CCNJL: variants seen among roughly 807,000 people sequenced by gnomAD.
CCNJL encodes the protein cyclin J like.
Under a neutral mutation model 33.4 loss-of-function variants are expected in CCNJL, and 33 were observed. The observed-to-expected ratio is 0.99, with a 90% CI of 0.75 to 1.32. The LOEUF is 1.32. Ranked by LOEUF, CCNJL falls within the 40% of genes most tolerant of loss-of-function variation. The pLI, the probability that CCNJL is intolerant of heterozygous loss-of-function variation, is 0.00. For missense variants in CCNJL, 512 were observed against 499.7 expected (o/e 1.02, Z -0.23); for synonymous variants, 227 against 220.9 (o/e 1.03, Z -0.24).
Position 160,321,004 on chromosome 5 carries a change from CTCTCTCTCTCTTTCTTTCTTTCTTTCTT to C in CCNJL, n.207-5527_207-5500del, listed in dbSNP as rs1236480745. Among the ~76,000 whole-genome samples, 51 of 112,120 alleles carry C rather than the reference CTCTCTCTCTCTTTCTTTCTTTCTTTCTT, an allele frequency of 4.5e-4. 1 individual carries two copies. The highest frequency in any genetic ancestry group is 1.7e-3 in the African/African-American group (47 of 27,476). The allele number at this position is 112,120 out of a possible 152,430, so 73.6% of individuals were successfully genotyped here. ...TCTCTCTCTTTCTTTCTTTCTCTCT[CTCTCTCTCTCTTTCTTTCTTTCTTTCTT>C]TCTTTCTTTCTTTCTTTCTTTCTTT... On this transcript the variant is annotated intron_variant and non_coding_transcript_variant, in intron 1 of 7. Coordinates refer to the CCNJL transcript ENST00000377503.
chr5:160,335,629 G>A (rs1039472329), intron 1 of CCNJL, among the ~76,000 whole-genome samples: 6 of 151,948 alleles, frequency 3.9e-5, no homozygotes, highest in Non-Finnish European at 7.4e-5. Flanking sequence ...GGAGTGCAGT[G>A]GCGTGATCAT....
At chr5:160,320,785 TTTCCTTTC>T (rs1473708866) in intron 1 of CCNJL, among the ~76,000 whole-genome samples, 15 of 144,890 alleles carry the variant, frequency 1.0e-4, no homozygotes, top group Non-Finnish European at 5.9e-5. Context: ...CTTTTCTTTC[TTTCCTTTC>T]TTTCTTTCTT....
At position 160,280,611 on chromosome 5, in the gene CCNJL, T is replaced by A. The variant is rs1388309470; in HGVS notation, c.194A>T (p.Tyr65Phe). The stretch of plus-strand genomic sequence containing the variant: ...GCGATCCATGAAGTGGTCCAGCAGG[T>A]AGACGGCCAGGTGCCGGGCTGCAGG... ...LCPAARHLAV[Y>F]LLDHFMDRYN... Residue 65 changes from tyrosine (Y) to phenylalanine (F), a missense_variant, in exon 3 of 6, where the codon TAC becomes TTC. By Grantham distance (22) the Tyr-to-Phe change is conservative. Transcript: ENST00000257536. The A allele has an allele frequency of 5.6e-6, 9 of 1,613,516 alleles. No homozygotes were observed. In the South Asian group the frequency reaches 8.8e-5, roughly 16 times the overall value.
At chr5:160,325,016 C>G (rs1232637491) in intron 1 of CCNJL, among the ~76,000 whole-genome samples, 5 of 152,234 alleles carry the variant, frequency 3.3e-5, no homozygotes, top group Admixed American at 1.3e-4. Context: ...AGGCCTGCCT[C>G]TGCCCTAGCT....
rs1308957359 is a variant in CCNJL at position 160,249,788 on chromosome 5, A to ATAAAT, written c.*3585_*3589dup. 1 of 150,526 alleles carries ATAAAT rather than the reference A, an allele frequency of 6.6e-6. No individual in the cohort carries two copies. Among genetic ancestry groups the ATAAAT allele is most frequent in the African/African-American group, 2.4e-5 (1 of 41,118 alleles). 9.3% of individuals were successfully genotyped at this position (150,526 alleles called of 1,614,324 possible). A position where few individuals can be genotyped will look rare whatever the true frequency, so the allele number is the denominator to read the frequency against. Reference sequence around the variant, plus strand: ...AAAAAATAAATAAATAAATAAATAAATAAATAAATAAATAAATAAAATAAA... The same window carrying ATAAAT: ...AAAAAATAAATAAATAAATAAATAAATAAATTAAATAAATAAATAAATAAAATAAA... On this transcript the variant is annotated 3_prime_UTR_variant, in exon 6 of 6. Coordinates refer to ENST00000257536, the MANE Select transcript of CCNJL (RefSeq NM_001308173.3).
At position 160,311,985 on chromosome 5, in the gene CCNJL, G is replaced by A. The variant is rs1763278937; in HGVS notation, c.-49-13C>T. 2.6e-6 allele frequency: 4 copies of A among 1,514,482 alleles called. No homozygotes were observed. Among genetic ancestry groups the A allele is most frequent in the South Asian group, 2.2e-5 (2 of 88,906 alleles). 93.8% of individuals were successfully genotyped at this position (1,514,482 alleles called of 1,614,324 possible). A position where few individuals can be genotyped will look rare whatever the true frequency, so the allele number is the denominator to read the frequency against. On this transcript the variant is annotated splice_polypyrimidine_tract_variant and intron_variant, in intron 1 of 5. Coordinates refer to ENST00000257536, the MANE Select transcript of CCNJL (RefSeq NM_001308173.3). Reference sequence around the variant, plus strand: ...CTCAGGGCGCACCCTGCGTGGACACGGGCAACTTCAGCGGCCAGAGCGTAC... The same window carrying A: ...CTCAGGGCGCACCCTGCGTGGACACAGGCAACTTCAGCGGCCAGAGCGTAC...
In CCNJL at chr5:160,321,058, CTTTCTTTCTTTCTTTCTTTCTTTCTTTCT is replaced by C. The variant is rs1561812849; in HGVS notation, n.207-5582_207-5554del. ...TCTTTCTTTCTTTCTTTCTTTCTTT[CTTTCTTTCTTTCTTTCTTTCTTTCTTTCT>C]TTCCTTCTCTCTTTCTCTCTCTCTC... On this transcript the variant is annotated intron_variant and non_coding_transcript_variant, in intron 1 of 7. Coordinates refer to the CCNJL transcript ENST00000377503. Among the ~76,000 whole-genome samples the C allele has an allele frequency of 6.5e-4, 79 of 120,878 alleles. 4 individuals carry two copies. The highest frequency in any genetic ancestry group is 3.6e-3 in the Middle Eastern group (1 of 280). The allele number at this position is 120,878 out of a possible 152,430, so 79.3% of individuals were successfully genotyped here.
intron 3 of CCNJL, among the ~76,000 whole-genome samples, chr5:160,267,813 C>G (rs766268864): frequency 2.6e-5 from 4 of 152,220 alleles, no homozygotes; most frequent in African/African-American, 4.8e-5. Flanking sequence ...CTTCCTGCTT[C>G]GGCTTCCCAA....
intron 1 of CCNJL, among the ~76,000 whole-genome samples, chr5:160,328,592 TA>T (rs56803041): frequency 0.058 from 7,678 of 133,268 alleles, 237 homozygotes; most frequent in Middle Eastern, 0.11. Flanking sequence ...TACTGTCTCT[TA>T]AAAAAAAAAA....
chr5:160,338,929 T>C (rs944166315), intron 1 of CCNJL, among the ~76,000 whole-genome samples: 4 of 152,100 alleles, frequency 2.6e-5, no homozygotes, highest in Non-Finnish European at 5.9e-5. Flanking sequence ...CAGCTGGGAT[T>C]ATAGGCACCT....
At chr5:160,272,837 A>G (rs180998720) in intron 3 of CCNJL, among the ~76,000 whole-genome samples, 311 of 152,334 alleles carry the variant, frequency 2.0e-3, no homozygotes, top group Non-Finnish European at 3.3e-3. Flanking sequence ...ACCTCTGGGA[A>G]TTTATCTTAC....
At chr5:160,261,323 TTGA>T (rs1761322539) in intron 3 of CCNJL, 1 of 152,148 alleles carries the variant, frequency 6.6e-6, no homozygotes, top group African/African-American at 2.4e-5. Context: ...GCTCTGGTCT[TTGA>T]TGCAGAGGAG....
At chr5:160,311,579 T>C (rs373975815) in intron 2 of CCNJL, among the ~76,000 whole-genome samples, 5 of 152,228 alleles carry the variant, frequency 3.3e-5, no homozygotes, top group East Asian at 1.9e-4. Flanking sequence ...GGCAATACTA[T>C]AGGAAACACT....
intron 1 of CCNJL, among the ~76,000 whole-genome samples, chr5:160,322,995 G>T (rs1190326401): frequency 1.3e-5 from 2 of 151,388 alleles, no homozygotes; most frequent in South Asian, 2.1e-4. Context: ...AGCCCTTTGG[G>T]AGGCTGAGGC....
At chr5:160,284,123 G>A (rs536025153) in intron 2 of CCNJL, among the ~76,000 whole-genome samples, 102 of 152,208 alleles carry the variant, frequency 6.7e-4, no homozygotes, top group African/African-American at 2.0e-3. Context: ...AGGCTGAGGC[G>A]GGTGGATCGC....
At chr5:160,338,057 G>A (rs1400673733) in intron 1 of CCNJL, among the ~76,000 whole-genome samples, 1 of 152,218 alleles carries the variant, frequency 6.6e-6, no homozygotes, top group Non-Finnish European at 1.5e-5. Flanking sequence ...AAGCAAGTTT[G>A]AATCCTTCAT....
chr5:160,308,000 A>G (rs1763147170), intron 2 of CCNJL, among the ~76,000 whole-genome samples: 1 of 152,156 alleles, frequency 6.6e-6, no homozygotes, highest in Non-Finnish European at 1.5e-5. Context: ...CAGTAGATAC[A>G]TGATTTTTGG....
intron 1 of CCNJL, among the ~76,000 whole-genome samples, chr5:160,318,726 G>T (rs1445004187): frequency 6.6e-6 from 1 of 152,204 alleles, no homozygotes; most frequent in East Asian, 1.9e-4. Flanking sequence ...AATAAAAATA[G>T]TTAACTTAAT....
At position 160,253,648 on chromosome 5, in the gene CCNJL, G is replaced by A. The variant is rs1447796277; in HGVS notation, c.894C>T (p.Phe298=). 6.2e-7 allele frequency: 1 copy of A among 1,612,248 alleles called. No individual in the cohort carries two copies. The highest frequency in any genetic ancestry group is 8.5e-7 in the Non-Finnish European group (1 of 1,178,974). The part of the protein sequence containing the change: ...LGQPATTLAQ[F]QTPVQDLCLA... The stretch of plus-strand genomic sequence containing the variant: ...AGCATAGGTCCTGCACGGGGGTCTG[G>A]AACTGTGCCAGGGTGGTCGCTGGCT... Residue 298 remains phenylalanine (F), a synonymous_variant, in exon 6 of 6, where the codon TTC becomes TTT. Transcript: ENST00000257536.
Sources: gnomAD v4.1 joint callset for allele counts (sites outside exome capture counted in the v4.1 genomes callset) on GRCh38, gnomAD v4.1.1 for gene constraint, MANE v1.5 for transcripts, NCBI Gene and HGNC (gene_info 2026-07-23, HGNC 2026-07-21) for gene names.